The following COL5A1 variants were observed in gnomAD, a reference collection of about 807,000 sequenced individuals.
COL5A1 encodes the protein collagen type V alpha 1 chain.
A neutral mutation model predicts 263.7 loss-of-function variants in COL5A1; 16 were observed. The observed-to-expected ratio is 0.06, with a 90% CI of 0.04 to 0.09. COL5A1 has a LOEUF of 0.09. Among genes scored for constraint, COL5A1 ranks in the 10% least tolerant of loss-of-function variants. The pLI, the probability that COL5A1 is intolerant of heterozygous loss-of-function variation, is 1.00. For missense variants in COL5A1, 2,036 were observed against 2,540.5 expected (o/e 0.80, Z 4.27); for synonymous variants, 1,012 against 1,004.5 (o/e 1.01, Z -0.14).
chr9:134,815,912 G>A (rs1838727555), intron 51 of COL5A1, 23 bp from the exon 52 acceptor site: 1 of 1,613,976 alleles, frequency 6.2e-7, no homozygotes. Context: ...GGTTCAGCAA[G>A]GAGCTCGCTT....
chr9:134,822,970 C>T, intron 59 of COL5A1, 28 bp from the exon 60 acceptor site: 1 of 1,613,924 alleles, frequency 6.2e-7, no homozygotes, highest in Non-Finnish European at 8.5e-7. Flanking sequence ...ACCCGGCTTG[C>T]TGACGTTCTG....
At chr9:134,777,402 G>A (rs1837094036) in intron 27 of COL5A1, among the ~76,000 whole-genome samples, 1 of 152,174 alleles carries the variant, frequency 6.6e-6, no homozygotes, top group Admixed American at 6.5e-5. Flanking sequence ...CTGCATGACT[G>A]GGGAGTGCCC....
rs1359053083 is a variant in COL5A1 at position 134,680,035 on chromosome 9, C to T, written c.110-10877C>T. Among the ~76,000 whole-genome samples the T allele has an allele frequency of 6.6e-6, 1 of 151,976 alleles. No individual in the cohort carries two copies. The highest frequency in any genetic ancestry group is 1.9e-4 in the East Asian group (1 of 5,176). Reference sequence around the variant, plus strand: ...TGGTCTAGTGTCAGACACAGATGAGCCATAGATCCTTTGCACAGAGAATCT... The same window carrying T: ...TGGTCTAGTGTCAGACACAGATGAGTCATAGATCCTTTGCACAGAGAATCT... On this transcript the variant is annotated intron_variant, in intron 1 of 65. Transcript: ENST00000371817. The surrounding 1 kb of genome is among the most constrained non-coding windows in gnomAD (Gnocchi z 5.9).
At chr9:134,768,877 G>A (rs921747637) in intron 25 of COL5A1, among the ~76,000 whole-genome samples, 2 of 152,164 alleles carry the variant, frequency 1.3e-5, no homozygotes, top group Admixed American at 6.5e-5. Flanking sequence ...GTGAGCAAAC[G>A]CGTTTGCAGT....
At chr9:134,772,920 T>G in intron 26 of COL5A1, 86 bp downstream of exon 26, 4 of 1,393,768 alleles carry the variant, frequency 2.9e-6, no homozygotes, top group South Asian at 2.3e-5. Flanking sequence ...CTCAGGGACA[T>G]CCAGCTTGGA....
At position 134,795,270 on chromosome 9, in the gene COL5A1, G is replaced by A. The variant is rs776715400; in HGVS notation, c.2754G>A (p.Arg918=). 2.9e-5 allele frequency: 47 copies of A among 1,613,926 alleles called. No individual in the cohort carries two copies. The highest frequency in any genetic ancestry group is 4.0e-5 in the Non-Finnish European group (47 of 1,179,998). ...CTCTCCCATCTGTCCAGGGTCCGAG[G>A]GGTGAAAGAGGCCCCCGGGGCATCA... is the stretch of plus-strand genomic sequence containing the variant. ...PRGQRGPTGP[R]GERGPRGITG... is the part of the protein sequence containing the mutation. The change falls in exon 34 of 66, where the codon AGG becomes AGA. Residue 918 remains arginine (R), a synonymous_variant. Coordinates refer to ENST00000371817, the MANE Select transcript of COL5A1 (RefSeq NM_000093.5).
At chr9:134,787,149 CCT>C (rs1164657874) in intron 31 of COL5A1, among the ~76,000 whole-genome samples, 1 of 152,224 alleles carries the variant, frequency 6.6e-6, no homozygotes. Context: ...GGGCACTTTT[CCT>C]CTCTTAATAT....
At chr9:134,655,482 G>C (rs549834285) in intron 1 of COL5A1, among the ~76,000 whole-genome samples, 1 of 152,074 alleles carries the variant, frequency 6.6e-6, no homozygotes, top group Admixed American at 6.6e-5. Flanking sequence ...ACCTTCCTGT[G>C]CCTCAGTTTC....
At chr9:134,644,753 G>C (rs953942652) in intron 1 of COL5A1, among the ~76,000 whole-genome samples, 1 of 152,186 alleles carries the variant, frequency 6.6e-6, no homozygotes, top group African/African-American at 2.4e-5. Context: ...ACAGTGTAAC[G>C]GGGAAGGAGA....
In COL5A1 at chr9:134,796,748, T is replaced by A. The variant is rs935041723; in HGVS notation, c.2845-100T>A. Reference sequence around the variant, plus strand: ...GAAAGGCCATGGGGGTGGGAAGAAATGACACCTGCGTTCAGAGAGCCACCG... The same window carrying A: ...GAAAGGCCATGGGGGTGGGAAGAAAAGACACCTGCGTTCAGAGAGCCACCG... On this transcript the variant is annotated intron_variant, in intron 35 of 65. Transcript: ENST00000371817. 2.7e-6 allele frequency: 3 copies of A among 1,103,638 alleles called. No homozygotes were observed. The Admixed American group carries it at 5.1e-5, about 19-fold the overall frequency. 68.4% of individuals were successfully genotyped at this position (1,103,638 alleles called of 1,614,324 possible).
intron 27 of COL5A1, among the ~76,000 whole-genome samples, chr9:134,775,247 G>T (rs1448939649): frequency 6.6e-6 from 1 of 152,252 alleles, no homozygotes; most frequent in Non-Finnish European, 1.5e-5. Context: ...CATTTGTCAG[G>T]CTTCTGTCAC....
At chr9:134,661,730 T>TCAA (rs1832211246) in intron 1 of COL5A1, among the ~76,000 whole-genome samples, 1 of 152,156 alleles carries the variant, frequency 6.6e-6, no homozygotes, top group Non-Finnish European at 1.5e-5. Flanking sequence ...CCAGGCCCTT[T>TCAA]CAACCTAAAT....
rs775601589 is a variant in COL5A1 at position 134,754,561 on chromosome 9, T to C, written c.1827+235T>C. On this transcript the variant is annotated intron_variant, in intron 16 of 65. Transcript: ENST00000371817. The surrounding 1 kb of genome is among the most constrained non-coding windows in gnomAD (Gnocchi z 4.3). ...CAGGCCTCTTCCCTGGGCACATTCA[T>C]TTAGTTTAATAAACCTTTCTAATTC... Among the ~76,000 whole-genome samples the C allele has an allele frequency of 1.3e-5, 2 of 152,216 alleles. No homozygotes were observed. Among genetic ancestry groups the C allele is most frequent in the Non-Finnish European group, 2.9e-5 (2 of 68,040 alleles).
intron 4 of COL5A1, chr9:134,709,176 G>C (rs1833946663): frequency 5.7e-6 from 2 of 350,970 alleles, no homozygotes; most frequent in South Asian, 2.1e-5. Flanking sequence ...CCCTACACCA[G>C]CGTGGAAAAG....
intron 4 of COL5A1, among the ~76,000 whole-genome samples, chr9:134,718,097 A>C (rs1319740339): frequency 6.6e-6 from 1 of 152,068 alleles, no homozygotes; most frequent in Non-Finnish European, 1.5e-5. Context: ...TCCAATGAAA[A>C]CTTTGCAGTT....
At position 134,784,997 on chromosome 9, in the gene COL5A1, C is replaced by G. The variant is rs199630108; in HGVS notation, c.2493C>G (p.Ile831Met). ...TCTTTTCTGGCTTGCAGGGGGAGAT[C>G]GGCCCACCCGGTCCCAGGGGAGAAG... The part of the protein sequence containing the change: ...DMGIKGDRGE[I>M]GPPGPRGEDG... The change falls in exon 30 of 66, where the codon ATC (isoleucine) becomes ATG (methionine). Residue 831 changes from isoleucine to methionine, a missense_variant. By Grantham distance (10) the Ile-to-Met change is conservative. Coordinates refer to ENST00000371817, the MANE Select transcript of COL5A1 (RefSeq NM_000093.5). The G allele has an allele frequency of 6.2e-7, 1 of 1,613,062 alleles. No homozygotes were observed. Among genetic ancestry groups the G allele is most frequent in the Admixed American group, 1.7e-5 (1 of 60,024 alleles).
At chr9:134,817,540 G>A (rs148001087) in intron 53 of COL5A1, among the ~76,000 whole-genome samples, 5 of 152,266 alleles carry the variant, frequency 3.3e-5, no homozygotes, top group African/African-American at 1.2e-4. Flanking sequence ...CCTTTACCTG[G>A]GACTGGAGTC....
chr9:134,697,923 A>G (rs1421205368), intron 2 of COL5A1, among the ~76,000 whole-genome samples: 1 of 152,290 alleles, frequency 6.6e-6, no homozygotes, highest in East Asian at 1.9e-4. Flanking sequence ...GTCTCTACCA[A>G]AAATACAAAA....
chr9:134,829,697 C>T (rs55906519), intron 63 of COL5A1, among the ~76,000 whole-genome samples: 4 of 149,292 alleles, frequency 2.7e-5, no homozygotes, highest in Admixed American at 6.6e-5. Context: ...GGCTGGGGCC[C>T]GGCTCCTCAC....
Sources: allele counts gnomAD v4.1 joint callset (sites outside exome capture counted in the v4.1 genomes callset), GRCh38; gene constraint gnomAD v4.1.1; non-coding constraint Gnocchi (gnomAD v3.1); transcripts MANE v1.5; gene names NCBI Gene and HGNC (gene_info 2026-07-23, HGNC 2026-07-21).